Variants in SGCE observed in about 807,000 individuals in gnomAD.
The protein encoded by SGCE is epsilon-sarcoglycan.
In SGCE, 26 loss-of-function variants were observed where a neutral mutation model predicts 57.8. That is an observed-to-expected ratio of 0.45 (90% CI 0.33 to 0.62). SGCE has a LOEUF of 0.62. Ranked by LOEUF, SGCE falls within the 20% of genes least tolerant of loss-of-function variation. The pLI, the probability that SGCE is intolerant of heterozygous loss-of-function variation, is 0.02. For synonymous variants in SGCE, 183 were observed against 189.5 expected (o/e 0.97, Z 0.28); for missense variants, 468 against 548.6 (o/e 0.85, Z 1.47).
chr7:94,609,109 T>A (rs1800611644), intron 5 of SGCE, among the ~76,000 whole-genome samples: 1 of 152,200 alleles, frequency 6.6e-6, no homozygotes, highest in South Asian at 2.1e-4. Context: ...CAAAAGACAC[T>A]GCCAGTAGTA....
At chr7:94,633,090 G>A (rs1804972390) in intron 1 of SGCE, among the ~76,000 whole-genome samples, 1 of 151,918 alleles carries the variant, frequency 6.6e-6, no homozygotes, top group African/African-American at 2.4e-5. Flanking sequence ...TGCTAATCAA[G>A]CCAAGGTAAC....
At chr7:94,651,558 C>T (rs1807874297) in intron 1 of SGCE, among the ~76,000 whole-genome samples, 1 of 152,196 alleles carries the variant, frequency 6.6e-6, no homozygotes. Flanking sequence ...AAATGCTTTG[C>T]AGAAAGCAGG....
chr7:94,619,566 ATT>A (rs1379662544), intron 4 of SGCE: 1 of 152,208 alleles, frequency 6.6e-6, no homozygotes, highest in Non-Finnish European at 1.5e-5. Flanking sequence ...AGTAAATATA[ATT>A]TGTTACTCAA....
At chr7:94,644,305 C>A (rs1260391611) in intron 1 of SGCE, among the ~76,000 whole-genome samples, 1 of 152,188 alleles carries the variant, frequency 6.6e-6, no homozygotes, top group East Asian at 1.9e-4. Context: ...TAAAGTTTGT[C>A]TTAAGATTCC....
chr7:94,599,850 A>T, intron 7 of SGCE, 127 bp from the exon 8 acceptor site: 1 of 742,310 alleles, frequency 1.3e-6, no homozygotes, highest in Non-Finnish European at 2.4e-6. Context: ...GCAACCAGGC[A>T]GCATTTGCCA....
chr7:94,652,032 A>T (rs12704732), intron 1 of SGCE, among the ~76,000 whole-genome samples: 19,417 of 152,082 alleles, frequency 0.13, 1,500 homozygotes, highest in South Asian at 0.25. Context: ...CGAAGTTTAG[A>T]AAAAGCCTGA....
chr7:94,585,419 T>G lies in SGCE; in HGVS notation c.*80A>C. On this transcript the variant is annotated 3_prime_UTR_variant, in exon 11 of 11. Transcript: ENST00000648936. ...AACATATGCCAGAAAAGCTCATGCA[T>G]TATTGGAAGAGAAAAGAAATGTGAT... 7.9e-7 allele frequency: 1 copy of G among 1,264,858 alleles called. No individual in the cohort carries two copies. Among genetic ancestry groups the G allele is most frequent in the Non-Finnish European group, 1.2e-6 (1 of 862,020 alleles). 78.4% of individuals were successfully genotyped at this position (1,264,858 alleles called of 1,614,324 possible). A position where few individuals can be genotyped will look rare whatever the true frequency, so the allele number is the denominator to read the frequency against.
At position 94,600,786 on chromosome 7, in the gene SGCE, T is replaced by C. The variant is rs1226535653; in HGVS notation, c.897A>G (p.Gly299=). The change falls in exon 7 of 11, where the codon GGA becomes GGG. Residue 299 remains glycine, a synonymous_variant. Transcript: ENST00000648936. ...IRGEGILPDG[G]EYKPPSDSLK... is the part of the protein sequence containing the mutation. ...AAGAATCAGAAGGGGGTTTGTATTC[T>C]CCACCATCAGGTAAAATCCCCTCTC... is the stretch of plus-strand genomic sequence containing the variant. 3 of 1,613,534 alleles carry C rather than the reference T, an allele frequency of 1.9e-6. No homozygotes were observed. The South Asian group carries it at 3.3e-5, about 18-fold the overall frequency.
At position 94,585,377 on chromosome 7, in the gene SGCE, A is replaced by G; in HGVS notation, c.*122T>C. The G allele has an allele frequency of 1.1e-6, 1 of 874,310 alleles. No individual in the cohort carries two copies. The highest frequency in any genetic ancestry group is 1.9e-6 in the Non-Finnish European group (1 of 515,844). 54.2% of individuals were successfully genotyped at this position (874,310 alleles called of 1,614,324 possible). ...TGTTGTATTATTTGGTATACACTTA[A>G]TACTGCCAACATGCATAACATATGC... On this transcript the variant is annotated 3_prime_UTR_variant, in exon 11 of 11. Coordinates refer to ENST00000648936, the MANE Select transcript of SGCE (RefSeq NM_003919.3).
intron 5 of SGCE, among the ~76,000 whole-genome samples, chr7:94,610,552 T>G (rs1330592108): frequency 6.6e-6 from 1 of 152,136 alleles, no homozygotes; most frequent in East Asian, 1.9e-4. Context: ...CTAAAACTAT[T>G]AAACTCTGAG....
rs181752602 is a variant in SGCE, at chr7:94,651,881, T to C, written c.109+4109A>G. 8.5e-5 allele frequency among the ~76,000 whole-genome samples: 13 copies of C among 152,256 alleles called. No homozygotes were observed. The East Asian group carries it at 2.3e-3, about 27-fold the overall frequency. On this transcript the variant is annotated intron_variant, in intron 1 of 10. Coordinates refer to ENST00000648936, the MANE Select transcript of SGCE (RefSeq NM_003919.3). ...AACCTGAAAACTTGAATCAGAAACA[T>C]ATTCACTTGAAAAGACTTATTGATA... is the stretch of plus-strand genomic sequence containing the variant.
At chr7:94,652,155 A>AAGCTATGG (rs550170832) in intron 1 of SGCE, among the ~76,000 whole-genome samples, 1 of 152,134 alleles carries the variant, frequency 6.6e-6, no homozygotes, top group Non-Finnish European at 1.5e-5. Flanking sequence ...TATTTCTGTG[A>AAGCTATGG]AGCTATGGAC....
At chr7:94,600,496 T>G (rs1799035799) in intron 7 of SGCE, 150 bp downstream of exon 7, 1 of 627,044 alleles carries the variant, frequency 1.6e-6, no homozygotes, top group African/African-American at 1.8e-5. Context: ...TTAATTCATT[T>G]TAAAGGAATA....
chr7:94,637,313 T>C (rs1305707136), intron 1 of SGCE, among the ~76,000 whole-genome samples: 1 of 152,208 alleles, frequency 6.6e-6, no homozygotes, highest in Non-Finnish European at 1.5e-5. Context: ...CAAAACTTAC[T>C]CCCTGTATAA....
Position 94,587,964 on chromosome 7 carries a change from A to G in SGCE, c.1297+725T>C, listed in dbSNP as rs548915803. The G allele has an allele frequency of 6.3e-6, 9 of 1,424,332 alleles. No individual in the cohort carries two copies. The East Asian group carries it at 2.1e-4, about 33-fold the overall frequency. 88.2% of individuals were successfully genotyped at this position (1,424,332 alleles called of 1,614,324 possible). On this transcript the variant is annotated intron_variant, in intron 10 of 10. Transcript: ENST00000648936. Reference sequence around the variant, plus strand: ...ATACTCAGAATTCCACACCCAACTTACATTTTTAAAACTTCTCTTGCTTTT... The same window carrying G: ...ATACTCAGAATTCCACACCCAACTTGCATTTTTAAAACTTCTCTTGCTTTT...
At chr7:94,622,119 C>A (rs1802886701) in intron 4 of SGCE, 1 of 152,126 alleles carries the variant, frequency 6.6e-6, no homozygotes, top group African/African-American at 2.4e-5. Flanking sequence ...GCCTTGACTG[C>A]ATTATCATTA....
chr7:94,639,604 A>G (rs1806091331), intron 1 of SGCE, among the ~76,000 whole-genome samples: 1 of 152,208 alleles, frequency 6.6e-6, no homozygotes, highest in African/African-American at 2.4e-5. Context: ...GTATGTCAAT[A>G]CAAGGAGTAT....
At chr7:94,587,642 A>G (rs906799175) in intron 10 of SGCE, 1 of 1,459,638 alleles carries the variant, frequency 6.9e-7, no homozygotes, top group Non-Finnish European at 9.0e-7. Context: ...ACAAAGTAGC[A>G]CCAACACATC....
intron 1 of SGCE, among the ~76,000 whole-genome samples, chr7:94,651,608 C>T (rs982329246): frequency 2.0e-5 from 3 of 152,184 alleles, no homozygotes; most frequent in Non-Finnish European, 1.5e-5. Context: ...GAAATCTATA[C>T]ATATTAAAAT....
Sources: gnomAD v4.1 joint callset for allele counts (sites outside exome capture counted in the v4.1 genomes callset) on GRCh38, gnomAD v4.1.1 for gene constraint, MANE v1.5 for transcripts, NCBI Gene and HGNC (gene_info 2026-07-23, HGNC 2026-07-21) for gene names.